Variants in GRIP1 observed in about 807,000 individuals in gnomAD.
GRIP1 encodes glutamate receptor-interacting protein 1.
GRIP1 carries 45 observed loss-of-function variants against 129.9 expected under a neutral mutation model. That is an observed-to-expected ratio of 0.35 (90% CI 0.27 to 0.44). The LOEUF (loss-of-function observed/expected upper bound fraction) is 0.44, where lower values mean the gene tolerates loss of function less well. GRIP1 is among the 20% of genes least tolerant of loss of function. The pLI is 1.00. For missense variants in GRIP1, 1,196 were observed against 1,396.8 expected, an observed-to-expected ratio of 0.86 and a Z score of 2.29; for synonymous variants, 530 against 520.8, an observed-to-expected ratio of 1.02 and a Z score of -0.24.
chr12:66,875,448 A>G lies in GRIP1; in HGVS notation c.58+193602T>C, dbSNP rs112461180. Among the ~76,000 whole-genome samples, 1,279 of 152,186 alleles carry G rather than the reference A, an allele frequency of 8.4e-3. 24 individuals carry two copies. The highest frequency in any genetic ancestry group is 0.028 in the African/African-American group (1,160 of 41,532). ...TGAGGTTACATAGCTGCAAAATCCC[A>G]TCTTCATGCAAGTTCCTTTGTGGTT... On this transcript the variant is annotated intron_variant, in intron 1 of 1. Transcript: ENST00000643019.
intron 1 of GRIP1, among the ~76,000 whole-genome samples, chr12:66,756,685 G>A (rs1167640047): frequency 1.3e-5 from 2 of 152,108 alleles, no homozygotes; most frequent in Non-Finnish European, 2.9e-5. Flanking sequence ...GAGCCAGGCA[G>A]CATGCATCAT....
At chr12:66,963,415 T>C (rs2041951596) in intron 1 of GRIP1, among the ~76,000 whole-genome samples, 1 of 152,196 alleles carries the variant, frequency 6.6e-6, no homozygotes, top group Non-Finnish European at 1.5e-5. Context: ...TTTACATGTA[T>C]TTCATCTAGC....
chr12:66,943,559 C>A (rs1196508508), intron 1 of GRIP1, among the ~76,000 whole-genome samples: 1 of 151,566 alleles, frequency 6.6e-6, no homozygotes, highest in African/African-American at 2.4e-5. Context: ...CAGTTGATAA[C>A]AAACACAAAA....
At chr12:66,839,245 AT>A (rs1266430118) in intron 1 of GRIP1, among the ~76,000 whole-genome samples, 13 of 152,172 alleles carry the variant, frequency 8.5e-5, no homozygotes, top group Non-Finnish European at 1.5e-4. Flanking sequence ...ATTTGAAATA[AT>A]TTAGCAAGCA....
chr12:66,617,084 T>TG (rs367666132), intron 1 of GRIP1, among the ~76,000 whole-genome samples: 38,166 of 137,424 alleles, frequency 0.28, 5,389 homozygotes, highest in Non-Finnish European at 0.32. Flanking sequence ...CAACAGACGT[T>TG]TTGTGTGTGT....
At chr12:66,737,729 C>A (rs774219607) in intron 1 of GRIP1, among the ~76,000 whole-genome samples, 31 of 151,856 alleles carry the variant, frequency 2.0e-4, no homozygotes, top group Non-Finnish European at 3.8e-4. Context: ...TTTTTTTACT[C>A]TTTTATTTTG....
chr12:66,682,912 T>TG (rs112574387), upstream of GRIP1, among the ~76,000 whole-genome samples: 5 of 152,306 alleles, frequency 3.3e-5, no homozygotes, highest in African/African-American at 4.8e-5. Flanking sequence ...AGATCCCATT[T>TG]ATTTGCTTAT....
chr12:66,608,548 T>G (rs7975376), intron 1 of GRIP1, among the ~76,000 whole-genome samples: 76,975 of 151,784 alleles, frequency 0.51, 21,042 homozygotes, highest in African/African-American at 0.71. Flanking sequence ...GGCCAGGCTG[T>G]TCTCGAACTC....
chr12:66,703,541 G>A (rs544757655), intron 1 of GRIP1, among the ~76,000 whole-genome samples: 73 of 152,092 alleles, frequency 4.8e-4, no homozygotes, highest in Non-Finnish European at 9.7e-4. Flanking sequence ...ATGATGGGTG[G>A]AAAGAAAGTA....
intron 1 of GRIP1, among the ~76,000 whole-genome samples, chr12:66,830,108 A>G (rs1250797100): frequency 1.3e-5 from 2 of 152,174 alleles, no homozygotes; most frequent in Non-Finnish European, 2.9e-5. Flanking sequence ...TGGCCCTTAT[A>G]ACACATCAGA....
intron 1 of GRIP1, among the ~76,000 whole-genome samples, chr12:66,602,616 G>T: frequency 6.6e-6 from 1 of 152,066 alleles, no homozygotes; most frequent in Non-Finnish European, 1.5e-5. Context: ...TACACCAGAA[G>T]ATTAGGGAAT....
At chr12:66,620,565 A>G (rs536538293) in intron 1 of GRIP1, among the ~76,000 whole-genome samples, 1 of 152,134 alleles carries the variant, frequency 6.6e-6, no homozygotes, top group Non-Finnish European at 1.5e-5. Context: ...AACAATAAAC[A>G]TGGCTAAGAA....
chr12:67,061,212 T>C (rs905428655), intron 1 of GRIP1, among the ~76,000 whole-genome samples: 3 of 152,240 alleles, frequency 2.0e-5, no homozygotes, highest in Admixed American at 2.0e-4. Context: ...ACACAAGTTA[T>C]CCAAATAATG....
At chr12:66,819,982 C>T (rs970817612) in intron 1 of GRIP1, among the ~76,000 whole-genome samples, 2 of 151,984 alleles carry the variant, frequency 1.3e-5, no homozygotes, top group Non-Finnish European at 2.9e-5. Context: ...GATAAAAACT[C>T]CAGGGAGACT....
intron 1 of GRIP1, among the ~76,000 whole-genome samples, chr12:66,665,423 A>T (rs780329468): frequency 1.9e-4 from 29 of 152,216 alleles, no homozygotes; most frequent in Non-Finnish European, 4.0e-4. Flanking sequence ...AACTTAGAAT[A>T]AGAAATAGCA....
At chr12:66,357,513 C>T (rs1038077337) in intron 23 of GRIP1, among the ~76,000 whole-genome samples, 1 of 152,190 alleles carries the variant, frequency 6.6e-6, no homozygotes, top group Non-Finnish European at 1.5e-5. Flanking sequence ...CAGGTGATGA[C>T]AGCCTCATTC....
rs2036911956 is a variant in GRIP1 at position 66,745,344 on chromosome 12, TACATAGAGTAAATAAATTAGAACCC to T, written c.-420+58684_-420+58708del. On this transcript the variant is annotated intron_variant, in intron 1 of 4. Transcript: ENST00000538373. ...GAATCAAAGCTGAAGAAAGACAAGG[TACATAGAGTAAATAAATTAGAACCC>T]ACATAGAGTAAATAATAAGGAAAAA... Among the ~76,000 whole-genome samples, 3 of 152,118 alleles carry T rather than the reference TACATAGAGTAAATAAATTAGAACCC, an allele frequency of 2.0e-5. No homozygotes were observed. In the South Asian group the frequency reaches 6.2e-4, roughly 31 times the overall value.
At chr12:66,955,543 TG>T (rs2041827678) in intron 1 of GRIP1, among the ~76,000 whole-genome samples, 1 of 149,476 alleles carries the variant, frequency 6.7e-6, no homozygotes, top group Non-Finnish European at 1.5e-5. Context: ...GTCTCACTCT[TG>T]TCGCCCAGGC....
chr12:66,558,067 G>C (rs1011729240), intron 2 of GRIP1, among the ~76,000 whole-genome samples: 3 of 152,014 alleles, frequency 2.0e-5, no homozygotes, highest in African/African-American at 7.2e-5. Context: ...TAAACCTTTA[G>C]CCAGACTATG....
Sources: gnomAD v4.1 joint callset for allele counts (sites outside exome capture counted in the v4.1 genomes callset) on GRCh38, gnomAD v4.1.1 for gene constraint, MANE v1.5 for transcripts, NCBI Gene and HGNC (gene_info 2026-07-23, HGNC 2026-07-21) for gene names.